The following IWS1 variants were observed in gnomAD, a reference collection of about 807,000 sequenced individuals.
IWS1 encodes the protein protein IWS1 homolog.
A neutral mutation model predicts 86.7 loss-of-function variants in IWS1; 27 were observed. The ratio of observed to expected loss-of-function variants is 0.31; its 90% confidence interval spans 0.23 to 0.43. The LOEUF (loss-of-function observed/expected upper bound fraction) is 0.43, where lower values mean the gene tolerates loss of function less well. Ranked by LOEUF, IWS1 falls within the 20% of genes least tolerant of loss-of-function variation. The probability of loss-of-function intolerance (pLI) is 1.00; values close to 1 mark genes in which losing one functional copy is unlikely to be tolerated. For missense variants in IWS1, 827 were observed against 1,000.8 expected (o/e 0.83, Z 2.34); for synonymous variants, 313 against 335.1 (o/e 0.93, Z 0.72).
intron 1 of IWS1, among the ~76,000 whole-genome samples, chr2:127,525,264 A>G (rs1201334642): frequency 6.6e-6 from 1 of 152,024 alleles, no homozygotes; most frequent in Non-Finnish European, 1.5e-5. Flanking sequence ...CTGGCTTAGG[A>G]AAGTGTTTTT....
rs148297027 is a variant in IWS1, at chr2:127,519,394, A to C, written c.150+4282T>G. Among the ~76,000 whole-genome samples the C allele has an allele frequency of 9.3e-3, 1,421 of 152,304 alleles. 8 individuals are homozygous for C. Among genetic ancestry groups the C allele is most frequent in the South Asian group, 0.02 (94 of 4,816 alleles). ...TAATAACTAAAGGAGCTTTCTAATA[A>C]AGTGGTTAAGAAATCTGCAAAAGTT... is the stretch of plus-strand genomic sequence containing the variant. On this transcript the variant is annotated intron_variant, in intron 2 of 13. Coordinates refer to ENST00000295321, the MANE Select transcript of IWS1 (RefSeq NM_017969.3).
chr2:127,516,032 G>T (rs1541862), intron 2 of IWS1, among the ~76,000 whole-genome samples: 5 of 152,066 alleles, frequency 3.3e-5, no homozygotes, highest in African/African-American at 1.2e-4. Context: ...AGAATACTGG[G>T]GCCCTAATCA....
rs1689589390 is a variant in IWS1 at position 127,480,890 on chromosome 2, A to C, written c.*154T>G. The C allele has an allele frequency of 7.9e-6, 6 of 763,732 alleles. No individual in the cohort carries two copies. In the South Asian group the frequency reaches 8.6e-5, roughly 11 times the overall value. 47.3% of individuals were successfully genotyped at this position (763,732 alleles called of 1,614,324 possible). On this transcript the variant is annotated 3_prime_UTR_variant, in exon 14 of 14. Coordinates refer to ENST00000295321, the MANE Select transcript of IWS1 (RefSeq NM_017969.3). ...TTTGTACAAAGTACACAACGGTTTT[A>C]AATATAACTGAGAGAAATGTGAGTC...
intron 10 of IWS1, chr2:127,491,004 G>T (rs915038950): frequency 1.3e-5 from 2 of 152,178 alleles, no homozygotes; most frequent in African/African-American, 2.4e-5. Context: ...TGGAGGACAG[G>T]AAGAGTTAAG....
chr2:127,498,357 G>C (rs916549684), intron 5 of IWS1, 120 bp from the exon 6 acceptor site: 1 of 912,348 alleles, frequency 1.1e-6, no homozygotes, highest in African/African-American at 1.7e-5. Context: ...ATATCAAAAG[G>C]TACATAACAA....
At chr2:127,516,967 GA>G (rs1386049371) in intron 2 of IWS1, among the ~76,000 whole-genome samples, 12 of 152,090 alleles carry the variant, frequency 7.9e-5, no homozygotes, top group Admixed American at 5.2e-4. Flanking sequence ...GAAATAGTAG[GA>G]AAAGTGTTTA....
At position 127,498,253 on chromosome 2, in the gene IWS1, T is replaced by C. The variant is rs1690615587; in HGVS notation, c.1468-16A>G. ...GGTTAAAACCCTAAATGCAAAATTA[T>C]CACAACCTCCTTACAGATTTTCTTC... On this transcript the variant is annotated splice_polypyrimidine_tract_variant and intron_variant, in intron 5 of 13. Transcript: ENST00000295321. 1.2e-6 allele frequency: 2 copies of C among 1,603,022 alleles called. No homozygotes were observed. The highest frequency in any genetic ancestry group is 1.7e-6 in the Non-Finnish European group (2 of 1,172,244).
At chr2:127,498,078 TTAATA>T in intron 6 of IWS1, 57 bp downstream of exon 6, 1 of 1,294,326 alleles carries the variant, frequency 7.7e-7, no homozygotes, top group Non-Finnish European at 1.1e-6. Context: ...AAAAGAGAGT[TTAATA>T]GTCTCTACCT....
intron 6 of IWS1, 109 bp downstream of exon 6, chr2:127,498,031 C>A: frequency 5.3e-6 from 4 of 757,318 alleles, no homozygotes; most frequent in South Asian, 1.8e-5. Flanking sequence ...AGGAATAGAC[C>A]CACTCCTAAA....
intron 1 of IWS1, among the ~76,000 whole-genome samples, chr2:127,524,633 G>A (rs907331078): frequency 6.0e-5 from 9 of 150,690 alleles, no homozygotes; most frequent in Non-Finnish European, 8.8e-5. Context: ...CCACCCCCCC[G>A]GGTTCAACAA....
At chr2:127,487,057 G>A (rs981074977) in intron 12 of IWS1, among the ~76,000 whole-genome samples, 2 of 152,156 alleles carry the variant, frequency 1.3e-5, no homozygotes, top group Non-Finnish European at 2.9e-5. Flanking sequence ...GTGAAGAATT[G>A]AGTCGTCAAA....
Position 127,496,139 on chromosome 2 carries a change from A to C in IWS1, c.1575T>G (p.Phe525Leu), listed in dbSNP as rs762551906. 6.2e-7 allele frequency: 1 copy of C among 1,613,258 alleles called. No individual in the cohort carries two copies. The highest frequency in any genetic ancestry group is 1.1e-5 in the South Asian group (1 of 90,920). ...DNIKRGKHMD[F>L]LSDFEMMLQR... ...GCAACATCATCTCAAAATCTGACAGAAAGTCCATACTAAAGCAGTAAACAA... is the reference window on the plus strand; with the variant it reads ...GCAACATCATCTCAAAATCTGACAGCAAGTCCATACTAAAGCAGTAAACAA... The change falls in exon 7 of 14, where the codon TTT becomes TTG. Residue 525 changes from phenylalanine (F) to leucine (L), a missense_variant. By Grantham distance (22) the Phe-to-Leu change is conservative (BLOSUM62 0). This residue lies in a region of IWS1 where 279 missense variants were observed against 440.6 expected (regional missense o/e 0.63). Coordinates refer to ENST00000295321, the MANE Select transcript of IWS1 (RefSeq NM_017969.3).
chr2:127,504,585 GA>G, intron 3 of IWS1, 98 bp downstream of exon 3: 1 of 857,954 alleles, frequency 1.2e-6, no homozygotes, highest in South Asian at 1.7e-5. Context: ...CTGAATAACA[GA>G]ACACAGATCT....
intron 5 of IWS1, chr2:127,498,564 C>A: frequency 5.4e-6 from 1 of 186,234 alleles, no homozygotes; most frequent in Non-Finnish European, 1.1e-5. Context: ...CAATCCATGT[C>A]AGTATTAAGT....
intron 2 of IWS1, among the ~76,000 whole-genome samples, chr2:127,509,785 T>C (rs898497192): frequency 6.7e-6 from 1 of 148,886 alleles, no homozygotes; most frequent in South Asian, 2.1e-4. Context: ...ACTGCAGTTA[T>C]AAATCACTGG....
At chr2:127,521,957 G>T (rs944995495) in intron 2 of IWS1, among the ~76,000 whole-genome samples, 1 of 152,060 alleles carries the variant, frequency 6.6e-6, no homozygotes, top group Admixed American at 6.5e-5. Context: ...TTTCCAAAGA[G>T]GAAACTTAAA....
At chr2:127,519,585 A>C (rs1691974110) in intron 2 of IWS1, among the ~76,000 whole-genome samples, 1 of 152,194 alleles carries the variant, frequency 6.6e-6, no homozygotes, top group Non-Finnish European at 1.5e-5. Context: ...TTTAAAAAAA[A>C]AAATACCATT....
chr2:127,508,640 G>GAC (rs1691273341), intron 2 of IWS1, among the ~76,000 whole-genome samples: 3 of 152,178 alleles, frequency 2.0e-5, no homozygotes, highest in South Asian at 4.1e-4. Flanking sequence ...TCAGTTGAAT[G>GAC]ACTAAACACT....
chr2:127,519,666 C>T (rs945497626), intron 2 of IWS1, among the ~76,000 whole-genome samples: 1 of 152,178 alleles, frequency 6.6e-6, no homozygotes, highest in African/African-American at 2.4e-5. Context: ...TGTCCACGTT[C>T]TAACCCTTGG....
Sources: gnomAD v4.1 joint callset for allele counts (sites outside exome capture counted in the v4.1 genomes callset) on GRCh38, gnomAD v4.1.1 for gene constraint, gnomAD v4.1.1 regional missense constraint, MANE v1.5 for transcripts, NCBI Gene and HGNC (gene_info 2026-07-23, HGNC 2026-07-21) for gene names.